CA10: variants seen among roughly 807,000 people sequenced by gnomAD.
CA10 encodes carbonic anhydrase 10 (inactive), also known as carbonic anhydrase-related protein 10.
In CA10, 14 loss-of-function variants were observed where a neutral mutation model predicts 44.2. The ratio of observed to expected loss-of-function variants is 0.32; its 90% CI spans 0.21 to 0.50. The LOEUF (loss-of-function observed/expected upper bound fraction) is 0.50. Among genes scored for constraint, CA10 ranks in the 20% least tolerant of loss-of-function variants. The probability of loss-of-function intolerance (pLI) is 0.99; values close to 1 mark genes in which losing one functional copy is unlikely to be tolerated. For synonymous variants in CA10, 159 were observed against 141.6 expected (o/e 1.12, Z -0.87); for missense variants, 350 against 409.7 (o/e 0.85, Z 1.26).
intron 4 of CA10, among the ~76,000 whole-genome samples, chr17:51,713,500 A>G (rs1488917189): frequency 1.3e-5 from 2 of 152,230 alleles, no homozygotes; most frequent in East Asian, 3.8e-4. Flanking sequence ...TTTTGGTTCT[A>G]TATCTTTTGA....
intron 4 of CA10, among the ~76,000 whole-genome samples, chr17:51,669,200 C>A (rs1391755488): frequency 6.6e-6 from 1 of 152,272 alleles, no homozygotes; most frequent in Non-Finnish European, 1.5e-5. Flanking sequence ...GCCAGCTGGG[C>A]TCCTGAGTCG....
intron 1 of CA10, among the ~76,000 whole-genome samples, chr17:52,136,504 C>T (rs2938137): frequency 6.6e-5 from 10 of 152,166 alleles, no homozygotes; most frequent in Non-Finnish European, 1.5e-4. Context: ...TAAGACATGG[C>T]CCCTAGCTTC....
intron 3 of CA10, among the ~76,000 whole-genome samples, chr17:51,913,228 C>G (rs1460271563): frequency 6.6e-6 from 1 of 152,160 alleles, no homozygotes; most frequent in Non-Finnish European, 1.5e-5. Context: ...AGGACACTCT[C>G]AGGAAATAGC....
At chr17:51,985,150 C>G (rs1352124380) in intron 2 of CA10, among the ~76,000 whole-genome samples, 1 of 151,724 alleles carries the variant, frequency 6.6e-6, no homozygotes, top group Non-Finnish European at 1.5e-5. Flanking sequence ...AACAACATAT[C>G]AAAAAAATAA....
chr17:52,074,613 A>T (rs1029834), intron 1 of CA10, among the ~76,000 whole-genome samples: 150,737 of 152,288 alleles, frequency 0.99, 74,618 homozygotes, highest in East Asian at 1. Context: ...TAGCACTCAA[A>T]TTTTGTTACA....
intron 3 of CA10, among the ~76,000 whole-genome samples, chr17:51,788,050 T>A (rs904527201): frequency 2.0e-5 from 3 of 152,280 alleles, no homozygotes; most frequent in Non-Finnish European, 4.4e-5. Context: ...ATGGTTAGGT[T>A]GCTTATTTGA....
chr17:51,826,828 A>T lies in CA10; in HGVS notation c.280-79010T>A, dbSNP rs187333440. Among the ~76,000 whole-genome samples, 19 of 152,304 alleles carry T rather than the reference A, an allele frequency of 1.2e-4. 1 individual carries two copies. The highest frequency in any genetic ancestry group is 1.1e-3 in the Admixed American group (17 of 15,308). On this transcript the variant is annotated intron_variant, in intron 3 of 8. Transcript: ENST00000451037. ...CTGGCTATGTCCCTCAACTGAGGTC[A>T]CTGCTGCCCTCAAGGCAGCCCTCTC...
intron 3 of CA10, among the ~76,000 whole-genome samples, chr17:51,797,204 A>G (rs1280760016): frequency 6.6e-6 from 1 of 152,248 alleles, no homozygotes. Context: ...TTGGACATGA[A>G]ATAGGCACTG....
chr17:51,755,670 CAGTT>C (rs1384772221), intron 3 of CA10, among the ~76,000 whole-genome samples: 1 of 152,174 alleles, frequency 6.6e-6, no homozygotes, highest in Non-Finnish European at 1.5e-5. Flanking sequence ...ATTCTTAACC[CAGTT>C]AGTTAGGAAA....
chr17:51,776,018 T>C (rs939731687), intron 3 of CA10, among the ~76,000 whole-genome samples: 2 of 152,078 alleles, frequency 1.3e-5, no homozygotes, highest in African/African-American at 4.8e-5. Context: ...CTAGAGAAGA[T>C]CTTAGAAATG....
chr17:51,981,123 A>G (rs1309174629), intron 2 of CA10, among the ~76,000 whole-genome samples: 1 of 152,062 alleles, frequency 6.6e-6, no homozygotes, highest in Non-Finnish European at 1.5e-5. Context: ...AGTTTCTTAA[A>G]AGGTTACAGA....
At chr17:51,840,750 G>A (rs1978312752) in intron 3 of CA10, among the ~76,000 whole-genome samples, 1 of 152,100 alleles carries the variant, frequency 6.6e-6, no homozygotes, top group Non-Finnish European at 1.5e-5. Flanking sequence ...AACTGACTAT[G>A]AGCGGAAGGC....
intron 3 of CA10, among the ~76,000 whole-genome samples, chr17:51,777,935 C>G (rs577291386): frequency 6.6e-6 from 1 of 152,284 alleles, no homozygotes; most frequent in East Asian, 1.9e-4. Context: ...CTGTCTCTCA[C>G]TGTCCATAAA....
At chr17:51,880,555 G>A (rs4794309) in intron 3 of CA10, among the ~76,000 whole-genome samples, 1 of 152,086 alleles carries the variant, frequency 6.6e-6, no homozygotes, top group Non-Finnish European at 1.5e-5. Context: ...TCCTGCCTCA[G>A]CCTTTCAAAG....
intron 2 of CA10, among the ~76,000 whole-genome samples, chr17:52,063,982 GTTC>G (rs1303487761): frequency 6.6e-6 from 1 of 152,184 alleles, no homozygotes; most frequent in African/African-American, 2.4e-5. Context: ...TGTGAATAAC[GTTC>G]TTAATCCGTT....
intron 1 of CA10, among the ~76,000 whole-genome samples, chr17:52,135,498 G>A (rs1313199764): frequency 6.6e-6 from 1 of 152,202 alleles, no homozygotes; most frequent in East Asian, 1.9e-4. Context: ...ACAGGACCAC[G>A]TTTCTCCTTT....
chr17:51,776,146 G>A (rs1905810382), intron 3 of CA10, among the ~76,000 whole-genome samples: 2 of 152,250 alleles, frequency 1.3e-5, no homozygotes, highest in South Asian at 4.1e-4. Flanking sequence ...GATCACCTGA[G>A]GTCAGGAGTT....
At chr17:52,126,652 A>G (rs1348683580) in intron 1 of CA10, among the ~76,000 whole-genome samples, 1 of 152,216 alleles carries the variant, frequency 6.6e-6, no homozygotes, top group Non-Finnish European at 1.5e-5. Context: ...GCTAAGCAGG[A>G]CTGTCCATCT....
At chr17:51,942,654 C>G (rs1156494219) in intron 2 of CA10, among the ~76,000 whole-genome samples, 1 of 151,802 alleles carries the variant, frequency 6.6e-6, no homozygotes, top group Non-Finnish European at 1.5e-5. Flanking sequence ...CAGGTTCCCA[C>G]TGCCAGGTGC....
Sources: gnomAD v4.1 joint callset for allele counts (sites outside exome capture counted in the v4.1 genomes callset) on GRCh38, gnomAD v4.1.1 for gene constraint, MANE v1.5 for transcripts, NCBI Gene and HGNC (gene_info 2026-07-23, HGNC 2026-07-21) for gene names.